Variants in SDK1 observed in about 807,000 individuals in gnomAD.
SDK1 encodes sidekick cell adhesion molecule 1.
In SDK1, 157 loss-of-function variants were observed where a neutral mutation model predicts 245.5. That is an observed-to-expected ratio of 0.64 (90% confidence interval 0.56 to 0.73). The LOEUF (loss-of-function observed/expected upper bound fraction) is 0.73. SDK1 is among the 30% of genes least tolerant of loss of function. The pLI is 0.00. For synonymous variants in SDK1, 1,647 were observed against 1,278.5 expected (o/e 1.29, Z -6.15); for missense variants, 3,583 against 3,002.3 (o/e 1.19, Z -4.52).
intron 40 of SDK1, among the ~76,000 whole-genome samples, chr7:4,230,615 A>G (rs1785700520): frequency 6.6e-6 from 1 of 151,854 alleles, no homozygotes; most frequent in Non-Finnish European, 1.5e-5. Flanking sequence ...ACTTAGGAAG[A>G]TGGATCATGG....
chr7:4,267,073 T>A lies in SDK1; in HGVS notation c.*1689T>A. ...CTGGATTCTGTGCTGTCAGCGTTGC[T>A]GAGTATGGCCCCAGGAGACCAAGGA... On this transcript the variant is annotated 3_prime_UTR_variant, in exon 45 of 45. Transcript: ENST00000404826. The A allele has an allele frequency of 1.0e-6, 1 of 985,506 alleles. No homozygotes were observed. 61.0% of individuals were successfully genotyped at this position (985,506 alleles called of 1,614,324 possible).
At chr7:3,741,835 C>T (rs965865849) in intron 4 of SDK1, among the ~76,000 whole-genome samples, 13 of 152,122 alleles carry the variant, frequency 8.5e-5, no homozygotes, top group African/African-American at 2.9e-4. Context: ...CACATAGATG[C>T]TTGTGTGTAT....
intron 25 of SDK1, among the ~76,000 whole-genome samples, chr7:4,114,523 C>G (rs1048772652): frequency 1.3e-5 from 2 of 152,156 alleles, no homozygotes; most frequent in African/African-American, 2.4e-5. Flanking sequence ...TTACTGTTTT[C>G]TAAATTAGGG....
chr7:3,533,077 C>G (rs1044238479), intron 1 of SDK1, among the ~76,000 whole-genome samples: 3 of 152,166 alleles, frequency 2.0e-5, no homozygotes, highest in African/African-American at 7.2e-5. Flanking sequence ...TGTATTAGAT[C>G]AGAAAGAAAA....
chr7:4,135,260 T>C (rs1433074119), intron 28 of SDK1, among the ~76,000 whole-genome samples: 1 of 152,204 alleles, frequency 6.6e-6, no homozygotes, highest in Non-Finnish European at 1.5e-5. Context: ...AATGCCAAGT[T>C]TACATGAGGA....
intron 17 of SDK1, among the ~76,000 whole-genome samples, chr7:4,027,495 C>T (rs982126003): frequency 3.3e-5 from 5 of 152,182 alleles, no homozygotes; most frequent in Non-Finnish European, 7.3e-5. Context: ...TTCACATCCA[C>T]CTGGCCCAGG....
At chr7:3,853,989 A>G (rs1780479866) in intron 5 of SDK1, among the ~76,000 whole-genome samples, 1 of 151,928 alleles carries the variant, frequency 6.6e-6, no homozygotes, top group Non-Finnish European at 1.5e-5. Flanking sequence ...CTCCGTCTCA[A>G]AAAAAAAATT....
intron 1 of SDK1, among the ~76,000 whole-genome samples, chr7:3,451,734 A>C (rs1052882452): frequency 1.3e-5 from 2 of 152,126 alleles, no homozygotes; most frequent in African/African-American, 4.8e-5. Flanking sequence ...CAGGGGTTCT[A>C]CTCTGCGTGA....
intron 20 of SDK1, among the ~76,000 whole-genome samples, chr7:4,070,463 C>T (rs1780178037): frequency 6.6e-6 from 1 of 152,220 alleles, no homozygotes; most frequent in African/African-American, 2.4e-5. Flanking sequence ...GTGTCCTGTG[C>T]ATCCCTGCAG....
intron 1 of SDK1, among the ~76,000 whole-genome samples, chr7:3,581,992 G>A (rs1250234996): frequency 8.5e-5 from 13 of 152,200 alleles, no homozygotes; most frequent in African/African-American, 3.1e-4. Context: ...CCTACTTGAG[G>A]GTGGAAGCCT....
At chr7:3,809,185 C>G (rs373588516) in intron 4 of SDK1, among the ~76,000 whole-genome samples, 1 of 152,022 alleles carries the variant, frequency 6.6e-6, no homozygotes, top group Non-Finnish European at 1.5e-5. Flanking sequence ...CGCTACATGG[C>G]GAGAGCAGGA....
chr7:3,783,004 A>G (rs1342053123), intron 4 of SDK1, among the ~76,000 whole-genome samples: 5 of 152,232 alleles, frequency 3.3e-5, no homozygotes, highest in African/African-American at 7.2e-5. Flanking sequence ...TCAACAACAC[A>G]TTAAAGGGAT....
At chr7:3,351,005 A>G (rs1228029951) in intron 1 of SDK1, among the ~76,000 whole-genome samples, 2 of 152,160 alleles carry the variant, frequency 1.3e-5, no homozygotes, top group African/African-American at 2.4e-5. Flanking sequence ...ATCTGATACT[A>G]CATACATAAA....
In SDK1 at chr7:3,786,957, G is replaced by A. The variant is rs567759775; in HGVS notation, c.714-34493G>A. Among the ~76,000 whole-genome samples, 3 of 152,074 alleles carry A rather than the reference G, an allele frequency of 2.0e-5. No individual in the cohort carries two copies. In the East Asian group the frequency reaches 5.8e-4, roughly 29 times the overall value. ...TCTTTTTCAGATATCAAAGCAAATA[G>A]AAGAAATAGAGTATAAACATTGTTC... is the stretch of plus-strand genomic sequence containing the variant. On this transcript the variant is annotated intron_variant, in intron 4 of 44. Coordinates refer to ENST00000404826, the MANE Select transcript of SDK1 (RefSeq NM_152744.4).
intron 1 of SDK1, among the ~76,000 whole-genome samples, chr7:3,411,068 C>A (rs1340536677): frequency 1.3e-5 from 2 of 151,988 alleles, no homozygotes; most frequent in African/African-American, 4.8e-5. Flanking sequence ...TAATGAAAAT[C>A]ATCATTATAA....
At chr7:3,760,924 A>G (rs1218642810) in intron 4 of SDK1, among the ~76,000 whole-genome samples, 1 of 152,220 alleles carries the variant, frequency 6.6e-6, no homozygotes, top group Non-Finnish European at 1.5e-5. Flanking sequence ...TCTGGAATGT[A>G]TCACAATTTG....
intron 1 of SDK1, among the ~76,000 whole-genome samples, chr7:3,383,886 G>A (rs950368680): frequency 3.9e-5 from 6 of 152,148 alleles, no homozygotes; most frequent in Non-Finnish European, 5.9e-5. Flanking sequence ...TTAGAGAAAC[G>A]TGTTCAAACC....
rs116123023 is a variant in SDK1 at position 4,189,129 on chromosome 7, G to A, written c.5098+10543G>A. Among the ~76,000 whole-genome samples the A allele has an allele frequency of 5.7e-3, 870 of 152,234 alleles. 1 individual carries two copies. Among genetic ancestry groups the A allele is most frequent in the African/African-American group, 0.019 (804 of 41,538 alleles). On this transcript the variant is annotated intron_variant, in intron 35 of 44. Coordinates refer to ENST00000404826, the MANE Select transcript of SDK1 (RefSeq NM_152744.4). ...GTAAAGGGATTTGGAAATCCTCGCCGTCTTCCTCCTTTTCGTCTATTCATG... is the reference window on the plus strand; with the variant it reads ...GTAAAGGGATTTGGAAATCCTCGCCATCTTCCTCCTTTTCGTCTATTCATG...
At chr7:4,140,237 C>A (rs1177332056) in intron 28 of SDK1, among the ~76,000 whole-genome samples, 3 of 152,184 alleles carry the variant, frequency 2.0e-5, no homozygotes, top group Non-Finnish European at 4.4e-5. Flanking sequence ...TGCCTCTGGC[C>A]CCCGCTGCAT....
Sources: gnomAD v4.1 joint callset for allele counts (sites outside exome capture counted in the v4.1 genomes callset) on GRCh38, gnomAD v4.1.1 for gene constraint, MANE v1.5 for transcripts, NCBI Gene and HGNC (gene_info 2026-07-23, HGNC 2026-07-21) for gene names.